Variants in PRSS23 observed in about 807,000 individuals in gnomAD.
PRSS23 encodes the protein protease, serine 23.
A neutral mutation model predicts 34.7 loss-of-function variants in PRSS23; 25 were observed. The ratio of observed to expected loss-of-function variants is 0.72; its 90% CI spans 0.53 to 1.01. The LOEUF (loss-of-function observed/expected upper bound fraction) is 1.01, where lower values mean the gene tolerates loss of function less well. PRSS23 is among the 50% of genes least tolerant of loss of function. PRSS23 has a pLI of 0.00. For missense variants in PRSS23, 445 were observed against 475.6 expected (o/e 0.94, Z 0.60); for synonymous variants, 176 against 186.6 (o/e 0.94, Z 0.46).
chr11:86,825,091 C>A (rs551966015), intron 2 of PRSS23, among the ~76,000 whole-genome samples: 2 of 152,080 alleles, frequency 1.3e-5, no homozygotes, highest in South Asian at 2.1e-4. Context: ...TTTACAGTCC[C>A]ACCAACAGTG....
At chr11:86,857,066 C>G (rs149948551) in intron 2 of PRSS23, 5,008 of 190,366 alleles carry the variant, frequency 0.026, 292 homozygotes, top group African/African-American at 0.11. Flanking sequence ...TGGAACAGAT[C>G]ATGAGATTTG....
At chr11:86,870,660 AG>A (rs779214501) in intron 2 of PRSS23, among the ~76,000 whole-genome samples, 6 of 152,222 alleles carry the variant, frequency 3.9e-5, no homozygotes, top group Non-Finnish European at 5.9e-5. Context: ...ATTGTCCCAC[AG>A]GTCGATATGA....
At chr11:86,838,091 T>C (rs2134899368) in intron 2 of PRSS23, among the ~76,000 whole-genome samples, 1 of 152,190 alleles carries the variant, frequency 6.6e-6, no homozygotes, top group South Asian at 2.1e-4. Flanking sequence ...TTTTTCAATT[T>C]TTAAAATAGC....
chr11:86,844,419 AAAT>A (rs1948471364), intron 2 of PRSS23, among the ~76,000 whole-genome samples: 5 of 152,310 alleles, frequency 3.3e-5, no homozygotes, highest in African/African-American at 1.2e-4. Context: ...AATAAAAAAA[AAAT>A]GGACATAACC....
intron 2 of PRSS23, among the ~76,000 whole-genome samples, chr11:86,860,400 G>C (rs77835361): frequency 1.3e-5 from 2 of 151,698 alleles, no homozygotes; most frequent in African/African-American, 2.4e-5. Context: ...TAATATCCAG[G>C]GGGTGAGAGG....
chr11:86,929,762 T>C (rs1350338808), intron 2 of PRSS23, among the ~76,000 whole-genome samples: 1 of 152,246 alleles, frequency 6.6e-6, no homozygotes, highest in African/African-American at 2.4e-5. Context: ...CATTGCGGCA[T>C]TGTTTATGAT....
intron 1 of PRSS23, among the ~76,000 whole-genome samples, chr11:86,801,003 GCACCCCCCCAACACA>G (rs1948030969): frequency 6.6e-6 from 1 of 152,102 alleles, no homozygotes; most frequent in South Asian, 2.1e-4. Flanking sequence ...ACACCCCCAT[GCACCCCCCCAACACA>G]CCACCACCAC....
Position 86,845,503 on chromosome 11 carries a change from A to G in PRSS23, c.206+21910A>G, listed in dbSNP as rs1177287072. Among the ~76,000 whole-genome samples, 4 of 152,326 alleles carry G rather than the reference A, an allele frequency of 2.6e-5. 1 individual carries two copies. The South Asian group carries it at 6.2e-4, about 24-fold the overall frequency. On this transcript the variant is annotated intron_variant, in intron 2 of 2. Transcript: ENST00000533902. ...ATCACTGCTCACTTCTGTTGGATCAACAAGAAATCAACTCATATGACAGTG... is the reference window on the plus strand; with the variant it reads ...ATCACTGCTCACTTCTGTTGGATCAGCAAGAAATCAACTCATATGACAGTG...
At chr11:86,795,383 A>C (rs144344411) in intron 1 of PRSS23, among the ~76,000 whole-genome samples, 187 of 152,364 alleles carry the variant, frequency 1.2e-3, no homozygotes, top group African/African-American at 4.1e-3. Context: ...GAGGCACAGA[A>C]GGTCACGTAA....
chr11:86,892,765 G>C (rs1718307108), intron 2 of PRSS23, among the ~76,000 whole-genome samples: 1 of 152,048 alleles, frequency 6.6e-6, no homozygotes, highest in Admixed American at 6.5e-5. Context: ...AATGTAGCCA[G>C]CTTTGTTAAA....
At chr11:86,831,205 T>C (rs947658624) in intron 2 of PRSS23, among the ~76,000 whole-genome samples, 6 of 152,114 alleles carry the variant, frequency 3.9e-5, no homozygotes, top group Non-Finnish European at 1.5e-5. Flanking sequence ...TGCGATATTA[T>C]TCATAATATC....
intron 2 of PRSS23, among the ~76,000 whole-genome samples, chr11:86,825,706 C>T (rs917445081): frequency 2.0e-5 from 3 of 152,000 alleles, no homozygotes; most frequent in Admixed American, 6.6e-5. Flanking sequence ...TATGACTAGC[C>T]AGTTTTCCCA....
downstream of PRSS23, among the ~76,000 whole-genome samples, chr11:86,815,704 G>C (rs1443775284): frequency 2.0e-5 from 3 of 152,148 alleles, no homozygotes; most frequent in Non-Finnish European, 4.4e-5. Context: ...CTATCCCATG[G>C]TCTAGCACAG....
At chr11:86,927,595 C>T (rs888280460) in intron 2 of PRSS23, among the ~76,000 whole-genome samples, 1 of 152,168 alleles carries the variant, frequency 6.6e-6, no homozygotes, top group Admixed American at 6.5e-5. Flanking sequence ...AGTCCTCCCA[C>T]CTTGACCTCC....
At chr11:86,890,270 C>CA (rs555153865) in intron 2 of PRSS23, among the ~76,000 whole-genome samples, 15,812 of 143,026 alleles carry the variant, frequency 0.11, 1,182 homozygotes, top group African/African-American at 0.22. Context: ...ATTCCATCTC[C>CA]AAAAAAAAAA....
chr11:86,862,065 G>A (rs558994726), intron 2 of PRSS23, among the ~76,000 whole-genome samples: 1 of 151,998 alleles, frequency 6.6e-6, no homozygotes, highest in South Asian at 2.1e-4. Flanking sequence ...CATCTGGAAG[G>A]GAGAGGATAA....
intron 2 of PRSS23, among the ~76,000 whole-genome samples, chr11:86,845,106 GAATT>G (rs1471941044): frequency 7.5e-5 from 11 of 147,554 alleles, no homozygotes; most frequent in East Asian, 5.9e-4. Context: ...AAAAAAAAAA[GAATT>G]AAGTAAGTCG....
intron 2 of PRSS23, among the ~76,000 whole-genome samples, chr11:86,932,215 G>A (rs2065878808): frequency 1.3e-5 from 2 of 152,122 alleles, no homozygotes; most frequent in African/African-American, 2.4e-5. Context: ...TGACCTTGGG[G>A]CAAAAAGCAG....
downstream of PRSS23, among the ~76,000 whole-genome samples, chr11:86,814,730 G>T (rs1948203289): frequency 1.3e-5 from 2 of 152,160 alleles, no homozygotes; most frequent in South Asian, 4.1e-4. Flanking sequence ...ATGAGGGATT[G>T]ATTAACTGAA....
Sources: allele counts gnomAD v4.1 joint callset (sites outside exome capture counted in the v4.1 genomes callset), GRCh38; gene constraint gnomAD v4.1.1; transcripts MANE v1.5; gene names NCBI Gene and HGNC (gene_info 2026-07-23, HGNC 2026-07-21).